The following CTNND1 variants were observed in gnomAD, a reference collection of about 807,000 sequenced individuals.
CTNND1 encodes catenin delta-1.
Under a neutral mutation model 112.1 loss-of-function variants are expected in CTNND1, and 16 were observed. That is an observed-to-expected ratio of 0.14 (90% CI 0.10 to 0.22). The LOEUF (loss-of-function observed/expected upper bound fraction) is 0.22. Among genes scored for constraint, CTNND1 ranks in the 10% least tolerant of loss-of-function variants. The pLI, the probability that CTNND1 is intolerant of heterozygous loss-of-function variation, is 1.00. For synonymous variants in CTNND1, 420 were observed against 446.5 expected (o/e 0.94, Z 0.75); for missense variants, 1,008 against 1,257.0 (o/e 0.80, Z 3.00).
intron 12 of CTNND1, 72 bp from the exon 13 acceptor site, chr11:57,808,093 G>T (rs900927992): frequency 1.3e-6 from 2 of 1,519,468 alleles, no homozygotes; most frequent in Admixed American, 1.9e-5. Context: ...ACTAAGGCTG[G>T]ACTCCAGCCA....
chr11:57,793,429 G>C (rs565301669), intron 3 of CTNND1, among the ~76,000 whole-genome samples: 1 of 152,230 alleles, frequency 6.6e-6, no homozygotes, highest in East Asian at 1.9e-4. Context: ...AGGGAGACTC[G>C]TATCTCTTGC....
At chr11:57,814,655 CCTT>C (rs2063747274) in intron 18 of CTNND1, among the ~76,000 whole-genome samples, 1 of 152,078 alleles carries the variant, frequency 6.6e-6, no homozygotes, top group African/African-American at 2.4e-5. Context: ...ACCCCAGTCT[CCTT>C]CTCTGGAGTG....
intron 6 of CTNND1, among the ~76,000 whole-genome samples, chr11:57,800,833 C>T (rs1156953161): frequency 2.0e-5 from 3 of 152,130 alleles, no homozygotes; most frequent in Admixed American, 2.0e-4. Context: ...CTGGTAGTTA[C>T]GAATAAATAA....
At chr11:57,773,712 G>A (rs959239133) in intron 1 of CTNND1, among the ~76,000 whole-genome samples, 2 of 151,292 alleles carry the variant, frequency 1.3e-5, no homozygotes, top group African/African-American at 2.4e-5. Context: ...TGAGGTGGGC[G>A]GATCGCTTGA....
intron 1 of CTNND1, among the ~76,000 whole-genome samples, chr11:57,779,307 G>A (rs149192142): frequency 6.6e-6 from 1 of 152,314 alleles, no homozygotes; most frequent in Non-Finnish European, 1.5e-5. Flanking sequence ...AGAATGGTTG[G>A]TAGTTTCCTG....
intron 2 of CTNND1, among the ~76,000 whole-genome samples, chr11:57,789,892 G>A (rs1014948781): frequency 4.6e-5 from 7 of 152,128 alleles, no homozygotes; most frequent in African/African-American, 9.7e-5. Context: ...CAGAGGTTGA[G>A]GCTAATACTC....
intron 4 of CTNND1, 25 bp from the exon 5 acceptor site, chr11:57,795,552 C>A (rs1433515108): frequency 1.3e-6 from 2 of 1,596,346 alleles, no homozygotes; most frequent in Admixed American, 1.8e-5. Context: ...ATAGTAGTTT[C>A]TTCTCTTTTC....
intron 5 of CTNND1, 69 bp from the exon 6 acceptor site, chr11:57,796,386 CAA>C (rs369962232): frequency 1.6e-3 from 1,768 of 1,095,880 alleles, no homozygotes; most frequent in South Asian, 1.9e-3. Context: ...GACTCCATCT[CAA>C]AAAAAAAAAA....
intron 10 of CTNND1, 129 bp from the exon 11 acceptor site, chr11:57,806,332 T>G (rs904658731): frequency 9.1e-5 from 87 of 952,960 alleles, no homozygotes; most frequent in Admixed American, 3.1e-4. Flanking sequence ...CCTTTGCATT[T>G]TCTGTGTTTT....
intron 1 of CTNND1, among the ~76,000 whole-genome samples, chr11:57,763,210 G>A (rs1050242606): frequency 4.6e-5 from 7 of 151,842 alleles, no homozygotes; most frequent in Admixed American, 3.9e-4. Context: ...GCAAAAGTAC[G>A]GATTCTAGAT....
intron 1 of CTNND1, among the ~76,000 whole-genome samples, chr11:57,767,612 T>G (rs936381512): frequency 6.6e-6 from 1 of 152,112 alleles, no homozygotes; most frequent in African/African-American, 2.4e-5. Flanking sequence ...GGAGGAAACA[T>G]GTAACCTAGG....
intron 17 of CTNND1, 116 bp downstream of exon 17, chr11:57,811,602 A>G: frequency 1.4e-6 from 1 of 708,918 alleles, no homozygotes; most frequent in East Asian, 2.6e-5. Flanking sequence ...GTGGGAGGGG[A>G]ATAATTTTCC....
intron 7 of CTNND1, among the ~76,000 whole-genome samples, chr11:57,803,290 G>A (rs2062234272): frequency 6.6e-6 from 1 of 152,230 alleles, no homozygotes; most frequent in African/African-American, 2.4e-5. Context: ...TGTATTTTTA[G>A]TGTTAGCCAG....
chr11:57,770,607 C>T (rs1030945499), intron 1 of CTNND1, among the ~76,000 whole-genome samples: 4 of 151,602 alleles, frequency 2.6e-5, no homozygotes, highest in Non-Finnish European at 4.4e-5. Context: ...GAGCCGAAAT[C>T]GCGCCACTGC....
intron 9 of CTNND1, 119 bp downstream of exon 9, chr11:57,804,899 C>A (rs574496166): frequency 2.9e-6 from 2 of 696,566 alleles, no homozygotes; most frequent in Non-Finnish European, 4.8e-6. Context: ...TTTATACTGT[C>A]CCCTACCCCT....
At chr11:57,773,322 A>G (rs1362728554) in intron 1 of CTNND1, among the ~76,000 whole-genome samples, 3 of 151,924 alleles carry the variant, frequency 2.0e-5, no homozygotes, top group East Asian at 1.9e-4. Context: ...TTGTAGAGAC[A>G]TGGTCTCTAT....
intron 9 of CTNND1, 72 bp downstream of exon 9, chr11:57,804,852 A>T: frequency 3.7e-6 from 4 of 1,079,180 alleles, no homozygotes; most frequent in Non-Finnish European, 5.6e-6. Context: ...TGTAGGTCAG[A>T]GACCTATCAT....
rs11570226 is a variant in CTNND1 at position 57,816,329 on chromosome 11, C to T, written c.*21C>T. Reference sequence around the variant, plus strand: ...TTTAGCACCACTATCTCCGTTCCATCTGGGCTTATATGTACTTTTATTTTT... The same window carrying T: ...TTTAGCACCACTATCTCCGTTCCATTTGGGCTTATATGTACTTTTATTTTT... On this transcript the variant is annotated 3_prime_UTR_variant, in exon 21 of 21. Transcript: ENST00000399050. 1,491 of 1,613,148 alleles carry T rather than the reference C, an allele frequency of 9.2e-4. 25 individuals are homozygous for T. In the East Asian group the frequency reaches 0.025, roughly 27 times the overall value.
intron 1 of CTNND1, among the ~76,000 whole-genome samples, chr11:57,783,707 A>G (rs1305067469): frequency 6.6e-6 from 1 of 151,372 alleles, no homozygotes; most frequent in Non-Finnish European, 1.5e-5. Context: ...TATTTCTTTG[A>G]TTTAGAAACA....
Sources: gnomAD v4.1 joint callset for allele counts (sites outside exome capture counted in the v4.1 genomes callset) on GRCh38, gnomAD v4.1.1 for gene constraint, MANE v1.5 for transcripts, NCBI Gene and HGNC (gene_info 2026-07-23, HGNC 2026-07-21) for gene names.